The following ESR1 variants were observed in gnomAD, a reference collection of about 807,000 sequenced individuals.
ESR1 encodes estrogen receptor 1.
In ESR1, 12 loss-of-function variants were observed where a neutral mutation model predicts 52.7. The observed-to-expected ratio is 0.23, with a 90% CI of 0.15 to 0.37. The LOEUF is 0.37. Ranked by LOEUF, ESR1 falls within the 10% of genes least tolerant of loss-of-function variation. The pLI is 1.00. For synonymous variants in ESR1, 305 were observed against 316.8 expected (o/e 0.96, Z 0.39); for missense variants, 584 against 779.7 (o/e 0.75, Z 2.99).
At chr6:151,944,144 CT>C (rs2035436607) in intron 3 of ESR1, 28 bp from the exon 4 acceptor site, 1 of 1,532,048 alleles carries the variant, frequency 6.5e-7, no homozygotes, top group Admixed American at 1.8e-5. Flanking sequence ...AAAAAATAAA[CT>C]AATTTTTTTT....
chr6:152,020,983 A>G (rs1257906265), intron 5 of ESR1, among the ~76,000 whole-genome samples: 1 of 152,100 alleles, frequency 6.6e-6, no homozygotes, highest in Non-Finnish European at 1.5e-5. Context: ...GCTTTTAGAG[A>G]TCTTCATTAA....
At chr6:151,712,321 C>A (rs1018681533) in intron 2 of ESR1, among the ~76,000 whole-genome samples, 1 of 152,058 alleles carries the variant, frequency 6.6e-6, no homozygotes, top group East Asian at 1.9e-4. Context: ...CTTGGCTATA[C>A]GGGCTTTTTT....
chr6:152,034,764 A>G (rs1297935475), intron 5 of ESR1, among the ~76,000 whole-genome samples: 3 of 152,220 alleles, frequency 2.0e-5, no homozygotes, highest in Admixed American at 6.5e-5. Flanking sequence ...GCAGACCCAC[A>G]TGAATCATAG....
At chr6:152,043,718 G>C (rs1046963397) in intron 5 of ESR1, among the ~76,000 whole-genome samples, 1 of 152,154 alleles carries the variant, frequency 6.6e-6, no homozygotes, top group African/African-American at 2.4e-5. Context: ...TCTGTTGCCT[G>C]TTTCCTCTGG....
chr6:152,123,380 A>T (rs2052130281), intron 6 of ESR1, among the ~76,000 whole-genome samples: 2 of 152,312 alleles, frequency 1.3e-5, no homozygotes, highest in South Asian at 4.1e-4. Flanking sequence ...TTACTTTGGA[A>T]AATGGACACC....
chr6:151,971,028 T>A (rs2038857327), intron 4 of ESR1, among the ~76,000 whole-genome samples: 1 of 152,196 alleles, frequency 6.6e-6, no homozygotes, highest in African/African-American at 2.4e-5. Context: ...TGTAGGCATA[T>A]TTGATTCATT....
At position 151,721,124 on chromosome 6, in the gene ESR1, C is replaced by T. The variant is rs188480479; in HGVS notation, c.-71+19119C>T. ...CAAAGGCACAAGAACTTAACTTTGT[C>T]CAATGAAGTCTTTCAGGAGGAGGTG... On this transcript the variant is annotated intron_variant, in intron 2 of 2. Coordinates refer to the ESR1 transcript ENST00000404742. Among the ~76,000 whole-genome samples, 8 of 152,232 alleles carry T rather than the reference C, an allele frequency of 5.3e-5. No homozygotes were observed. The East Asian group carries it at 1.5e-3, about 29-fold the overall frequency.
Position 152,037,230 on chromosome 6 carries a change from G to C in ESR1, c.1236-23761G>C, listed in dbSNP as rs1261143647. On this transcript the variant is annotated intron_variant, in intron 5 of 7. Transcript: ENST00000206249. ...CTGGGAAATATTTAATGAAGGGAGA[G>C]AGGGGGAGAGAGTGAGCATGCAAAA... is the stretch of plus-strand genomic sequence containing the variant. Among the ~76,000 whole-genome samples the C allele has an allele frequency of 2.6e-5, 4 of 152,284 alleles. No homozygotes were observed. In the East Asian group the frequency reaches 7.7e-4, roughly 29 times the overall value.
downstream of ESR1, among the ~76,000 whole-genome samples, chr6:152,105,856 C>T (rs2051060184): frequency 1.5e-5 from 2 of 130,652 alleles, no homozygotes; most frequent in Admixed American, 1.8e-4. Context: ...GGCGCAATCT[C>T]GGCTCGCTGC....
intron 5 of ESR1, among the ~76,000 whole-genome samples, chr6:152,044,909 A>G (rs576053427): frequency 2.0e-5 from 3 of 152,304 alleles, no homozygotes; most frequent in African/African-American, 7.2e-5. Flanking sequence ...ATTCAATCAC[A>G]TTGACACTCA....
chr6:151,899,049 CG>C (rs1458401648), intron 3 of ESR1, among the ~76,000 whole-genome samples: 1 of 148,410 alleles, frequency 6.7e-6, no homozygotes, highest in Non-Finnish European at 1.5e-5. Flanking sequence ...ACCTCCCTCC[CG>C]GACGGGGCGG....
chr6:152,120,360 G>A (rs1585286192), intron 6 of ESR1, among the ~76,000 whole-genome samples: 1 of 152,250 alleles, frequency 6.6e-6, no homozygotes, highest in East Asian at 1.9e-4. Context: ...AACGCCAATG[G>A]CCACCGCTGC....
intron 2 of ESR1, among the ~76,000 whole-genome samples, chr6:151,860,873 G>A (rs1212248586): frequency 6.6e-6 from 1 of 152,086 alleles, no homozygotes; most frequent in Non-Finnish European, 1.5e-5. Flanking sequence ...CTTCCCTGTG[G>A]ATTTCTACCT....
At chr6:152,033,643 A>C (rs147608725) in intron 5 of ESR1, among the ~76,000 whole-genome samples, 26 of 152,344 alleles carry the variant, frequency 1.7e-4, no homozygotes, top group African/African-American at 5.0e-4. Context: ...GTCAGGGAAA[A>C]ACAGGTGCTG....
At chr6:152,105,300 C>A (rs1054876878), downstream of ESR1, among the ~76,000 whole-genome samples, 1 of 152,198 alleles carries the variant, frequency 6.6e-6, no homozygotes, top group African/African-American at 2.4e-5. Context: ...CAATTGGTGT[C>A]TGAGATGGGG....
intron 2 of ESR1, among the ~76,000 whole-genome samples, chr6:151,754,327 T>TC (rs1784121693): frequency 3.9e-5 from 1 of 25,688 alleles, no homozygotes; most frequent in Non-Finnish European, 1.6e-4. Flanking sequence ...TCTATTGCTA[T>TC]TTTTTTTTTT....
chr6:151,865,656 A>G (rs1789762539), intron 2 of ESR1, among the ~76,000 whole-genome samples: 1 of 152,208 alleles, frequency 6.6e-6, no homozygotes, highest in Non-Finnish European at 1.5e-5. Context: ...GAGTGAGAAA[A>G]GAGAATAATT....
rs188047451 is a variant in ESR1 at position 151,767,765 on chromosome 6, G to C, written c.-70-40078G>C. On this transcript the variant is annotated intron_variant, in intron 2 of 2. Coordinates refer to the ESR1 transcript ENST00000404742. ...ACTTCCTGAATGGTACAGATGCTAA[G>C]GTCTAGTGGCTCCACAACTACCAAA... is the stretch of plus-strand genomic sequence containing the variant. 9.8e-5 allele frequency among the ~76,000 whole-genome samples: 15 copies of C among 152,286 alleles called. No individual in the cohort carries two copies. In the East Asian group the frequency reaches 1.5e-3, roughly 16 times the overall value.
At chr6:151,825,445 T>C (rs9479126) in intron 1 of ESR1, among the ~76,000 whole-genome samples, 10,579 of 152,224 alleles carry the variant, frequency 0.069, 836 homozygotes, top group African/African-American at 0.17. Flanking sequence ...ACTGTACTTG[T>C]GCCATTTTCT....
Sources: gnomAD v4.1 joint callset for allele counts (sites outside exome capture counted in the v4.1 genomes callset) on GRCh38, gnomAD v4.1.1 for gene constraint, MANE v1.5 for transcripts, NCBI Gene and HGNC (gene_info 2026-07-23, HGNC 2026-07-21) for gene names.